CDH13: variants seen among roughly 807,000 people sequenced by gnomAD.
CDH13 encodes the protein cadherin-13.
In CDH13, 24 loss-of-function variants were observed where a neutral mutation model predicts 63.8. The observed-to-expected ratio is 0.38, with a 90% CI of 0.27 to 0.53. The LOEUF (loss-of-function observed/expected upper bound fraction) is 0.53. Ranked by LOEUF, CDH13 falls within the 20% of genes least tolerant of loss-of-function variation. The probability of loss-of-function intolerance (pLI) is 0.85; values close to 1 mark genes in which losing one functional copy is unlikely to be tolerated. For missense variants in CDH13, 1,049 were observed against 903.1 expected (o/e 1.16, Z -2.07); for synonymous variants, 503 against 355.3 (o/e 1.42, Z -4.67).
intron 7 of CDH13, among the ~76,000 whole-genome samples, chr16:83,537,406 A>G (rs993439801): frequency 6.6e-6 from 1 of 152,172 alleles, no homozygotes; most frequent in Non-Finnish European, 1.5e-5. Flanking sequence ...GGCTTGAATA[A>G]TTTACTTGGA....
chr16:83,690,565 G>T lies in CDH13; in HGVS notation c.1538+12104G>T, dbSNP rs544981156. Among the ~76,000 whole-genome samples, 5 of 152,238 alleles carry T rather than the reference G, an allele frequency of 3.3e-5. No individual in the cohort carries two copies. The South Asian group carries it at 1.0e-3, about 32-fold the overall frequency. ...GGGGAAAGTGTTAAGCATGCTAGTG[G>T]GATTAGGAAAGGGGGCAATTAAGGG... On this transcript the variant is annotated intron_variant, in intron 10 of 13. Coordinates refer to ENST00000567109, the MANE Select transcript of CDH13 (RefSeq NM_001257.5).
chr16:83,213,030 C>G (rs2039383615), intron 4 of CDH13, among the ~76,000 whole-genome samples: 1 of 152,158 alleles, frequency 6.6e-6, no homozygotes, highest in Admixed American at 6.5e-5. Context: ...GTGAACATAG[C>G]TCTGAGGAGC....
chr16:83,671,447 C>G lies in CDH13; in HGVS notation c.1284+475C>G, dbSNP rs999667857. Among the ~76,000 whole-genome samples the G allele has an allele frequency of 3.9e-5, 6 of 152,258 alleles. No individual in the cohort carries two copies. The East Asian group carries it at 1.2e-3, about 29-fold the overall frequency. On this transcript the variant is annotated intron_variant, in intron 9 of 13. Coordinates refer to ENST00000567109, the MANE Select transcript of CDH13 (RefSeq NM_001257.5). ...TATTTTTAGTAGAGATGAGGTCTCA[C>G]CATGTTGCCCAGGCTTGTCTCAAAC...
chr16:82,930,039 C>CTTTTTTTTTTTTT (rs71146098), intron 2 of CDH13, among the ~76,000 whole-genome samples: 1 of 94,752 alleles, frequency 1.1e-5, no homozygotes, highest in Non-Finnish European at 2.1e-5. Context: ...TAGTTTGTCT[C>CTTTTTTTTTTTTT]TTTTTTTTTT....
intron 2 of CDH13, among the ~76,000 whole-genome samples, chr16:82,872,394 TC>T (rs1050490451): frequency 2.0e-5 from 3 of 152,252 alleles, no homozygotes; most frequent in African/African-American, 7.2e-5. Flanking sequence ...CTGTTTCATT[TC>T]TGTTTTTCTT....
At chr16:83,270,271 G>C (rs1426606967) in intron 5 of CDH13, among the ~76,000 whole-genome samples, 1 of 152,138 alleles carries the variant, frequency 6.6e-6, no homozygotes, top group Non-Finnish European at 1.5e-5. Context: ...GTCATGCTGT[G>C]TTTGGGTGGA....
At chr16:82,711,366 G>A (rs1344893985) in intron 1 of CDH13, among the ~76,000 whole-genome samples, 1 of 152,114 alleles carries the variant, frequency 6.6e-6, no homozygotes, top group Non-Finnish European at 1.5e-5. Flanking sequence ...TTCTCCAGAG[G>A]TCTAGCATTG....
intron 10 of CDH13, among the ~76,000 whole-genome samples, chr16:83,712,708 T>C (rs1908252573): frequency 6.6e-6 from 1 of 152,210 alleles, no homozygotes; most frequent in Non-Finnish European, 1.5e-5. Flanking sequence ...AAAAAGACCA[T>C]ATTGCCACTT....
chr16:83,419,491 G>T (rs1015036859), intron 6 of CDH13, among the ~76,000 whole-genome samples: 6 of 152,084 alleles, frequency 3.9e-5, no homozygotes, highest in Admixed American at 1.3e-4. Context: ...CTTAGATCAG[G>T]AGTAAGATTC....
At chr16:83,669,015 C>T (rs1230065360) in intron 8 of CDH13, among the ~76,000 whole-genome samples, 1 of 152,152 alleles carries the variant, frequency 6.6e-6, no homozygotes, top group Non-Finnish European at 1.5e-5. Context: ...GCTTCTTGCC[C>T]CGACTACATA....
chr16:82,876,009 A>G lies in CDH13; in HGVS notation c.157+17536A>G, dbSNP rs114846436. Among the ~76,000 whole-genome samples, 299 of 152,338 alleles carry G rather than the reference A, an allele frequency of 2.0e-3. 2 individuals carry two copies. The highest frequency in any genetic ancestry group is 6.9e-3 in the African/African-American group (288 of 41,582). On this transcript the variant is annotated intron_variant, in intron 2 of 13. Coordinates refer to ENST00000567109, the MANE Select transcript of CDH13 (RefSeq NM_001257.5). ...GTCTTACATGGATGGTGGCAAAAAGAGAATTTGTGCAGGGGAACTCCTCTT... is the reference window on the plus strand; with the variant it reads ...GTCTTACATGGATGGTGGCAAAAAGGGAATTTGTGCAGGGGAACTCCTCTT...
intron 2 of CDH13, among the ~76,000 whole-genome samples, chr16:82,899,601 G>T (rs978325277): frequency 1.3e-5 from 2 of 151,360 alleles, no homozygotes; most frequent in African/African-American, 4.8e-5. Context: ...GTAGGTGCCT[G>T]TGTGTGTGTG....
intron 1 of CDH13, among the ~76,000 whole-genome samples, chr16:82,760,956 A>G (rs2034814916): frequency 6.7e-6 from 1 of 148,972 alleles, no homozygotes; most frequent in Admixed American, 6.7e-5. Flanking sequence ...ATCTACCCCC[A>G]TAAGCCAAAT....
intron 5 of CDH13, among the ~76,000 whole-genome samples, chr16:83,282,668 C>A (rs1488454403): frequency 6.6e-6 from 1 of 152,178 alleles, no homozygotes; most frequent in Non-Finnish European, 1.5e-5. Flanking sequence ...AAGAAAGAGA[C>A]AAATAGGAAA....
At chr16:83,109,787 G>T (rs1315923772) in intron 3 of CDH13, among the ~76,000 whole-genome samples, 1 of 152,238 alleles carries the variant, frequency 6.6e-6, no homozygotes, top group Non-Finnish European at 1.5e-5. Flanking sequence ...TGCCAGAGCA[G>T]ATAGAGGGAA....
intron 7 of CDH13, among the ~76,000 whole-genome samples, chr16:83,492,823 TAGA>T (rs10617098): frequency 1.0e-3 from 152 of 152,306 alleles, no homozygotes; most frequent in Non-Finnish European, 1.8e-3. Flanking sequence ...GGATAAATTC[TAGA>T]AGAAGACCTT....
At chr16:83,199,647 T>C (rs577791923) in intron 4 of CDH13, among the ~76,000 whole-genome samples, 101 of 152,316 alleles carry the variant, frequency 6.6e-4, no homozygotes, top group Middle Eastern at 3.4e-3. Flanking sequence ...ATGATAAAAT[T>C]ACTCTCCGTG....
chr16:82,997,757 A>G (rs945316077), intron 2 of CDH13, among the ~76,000 whole-genome samples: 3 of 152,206 alleles, frequency 2.0e-5, no homozygotes, highest in Non-Finnish European at 2.9e-5. Flanking sequence ...TCAGCAGTCT[A>G]TCTGGCTTCT....
chr16:82,719,617 G>A lies in CDH13; in HGVS notation c.45+92480G>A, dbSNP rs114064745. 462 of 347,086 alleles carry A rather than the reference G, an allele frequency of 1.3e-3. 4 individuals are homozygous for A. Among genetic ancestry groups the A allele is most frequent in the African/African-American group, 9.3e-3 (434 of 46,668 alleles). The allele number at this position is 347,086 out of a possible 1,614,324, so 21.5% of individuals were successfully genotyped here. On this transcript the variant is annotated intron_variant, in intron 1 of 13. Coordinates refer to ENST00000567109, the MANE Select transcript of CDH13 (RefSeq NM_001257.5). ...TCCCAGCACTTTGACAAGCCAAGGT[G>A]GGTGGATCACCTGAGGTCAGGAGTT...
Sources: gnomAD v4.1 joint callset for allele counts (sites outside exome capture counted in the v4.1 genomes callset) on GRCh38, gnomAD v4.1.1 for gene constraint, MANE v1.5 for transcripts, NCBI Gene and HGNC (gene_info 2026-07-23, HGNC 2026-07-21) for gene names.